Variants in MEFV observed in about 807,000 individuals in gnomAD.
MEFV encodes pyrin.
Under a neutral mutation model 62.5 loss-of-function variants are expected in MEFV, and 60 were observed. The ratio of observed to expected loss-of-function variants is 0.96; its 90% confidence interval spans 0.78 to 1.19. MEFV has a LOEUF of 1.19. MEFV is among the 50% of genes most tolerant of loss of function. The pLI, the probability that MEFV is intolerant of heterozygous loss-of-function variation, is 0.00. For missense variants in MEFV, 1,169 were observed against 1,004.5 expected (o/e 1.16, Z -2.21); for synonymous variants, 500 against 415.2 (o/e 1.20, Z -2.48).
chr16:3,249,030 G>C (rs1337259875), intron 3 of MEFV, 26 bp from the exon 4 acceptor site: 1 of 1,610,328 alleles, frequency 6.2e-7, no homozygotes, highest in Middle Eastern at 1.7e-4. Context: ...TTGTTGAAAA[G>C]CTTGAATTTG....
At chr16:3,244,633 G>A (rs1487620610) in intron 6 of MEFV, 45 bp from the exon 7 acceptor site, 2 of 1,433,874 alleles carry the variant, frequency 1.4e-6, no homozygotes, top group Admixed American at 1.7e-5. Flanking sequence ...GAGCGAGGGG[G>A]TGGCCCAAGT....
rs147349325 is a variant in MEFV, at chr16:3,248,914, A to G, written c.1351T>C (p.Phe451Leu). 1.9e-6 allele frequency: 3 copies of G among 1,614,070 alleles called. No individual in the cohort carries two copies. Among genetic ancestry groups the G allele is most frequent in the Non-Finnish European group, 2.5e-6 (3 of 1,179,932 alleles). The change falls in exon 4 of 10, where the codon TTT becomes CTT. Residue 451 changes from phenylalanine (F) to leucine (L), a missense_variant. By Grantham distance (22) the Phe-to-Leu change is conservative. Coordinates refer to ENST00000219596, the MANE Select transcript of MEFV (RefSeq NM_000243.3). ...TCAGCCACCTCTGACCTTACCAGAA[A>G]GCTCACTGCCTTCTCCTCCCCATAG... is the stretch of plus-strand genomic sequence containing the variant. ...RSYGEEKAVS[F>L]LKQTEALKQR...
intron 2 of MEFV, among the ~76,000 whole-genome samples, chr16:3,250,624 G>A (rs181561092): frequency 3.0e-4 from 45 of 151,730 alleles, no homozygotes; most frequent in African/African-American, 1.1e-3. Context: ...GGGCATTATA[G>A]GGCTAAAGAC....
In MEFV at chr16:3,256,480, C is replaced by T. The variant is rs759877779; in HGVS notation, c.108G>A (p.Glu36=). The T allele has an allele frequency of 2.2e-5, 36 of 1,614,216 alleles. No homozygotes were observed. The highest frequency in any genetic ancestry group is 3.3e-5 in the South Asian group (3 of 91,088). The part of the protein sequence containing the change: ...FKLQNTSVQK[E]HSRIPRSQIQ... ...TCTGGCTCCGGGGGATCCTGGAGTG[C>T]TCCTTCTGCACACTGGTGTTCTGCA... Residue 36 remains glutamate (E), a synonymous_variant, in exon 1 of 10, where the codon GAG becomes GAA. Coordinates refer to ENST00000219596, the MANE Select transcript of MEFV (RefSeq NM_000243.3).
At position 3,256,302 on chromosome 16, in the gene MEFV, C is replaced by T. The variant is rs2141679306; in HGVS notation, c.277+9G>A. 1 of 1,612,958 alleles carries T rather than the reference C, an allele frequency of 6.2e-7. No individual in the cohort carries two copies. Among genetic ancestry groups the T allele is most frequent in the Non-Finnish European group, 8.5e-7 (1 of 1,179,770 alleles). The stretch of plus-strand genomic sequence containing the variant: ...GCACTGGATGAGGAGGAGGCCTGGG[C>T]CCGCTTACCCTGAATGGCTGCCCTG... On this transcript the variant is annotated intron_variant, in intron 1 of 9. Coordinates refer to ENST00000219596, the MANE Select transcript of MEFV (RefSeq NM_000243.3).
intron 4 of MEFV, 183 bp from the exon 5 acceptor site, chr16:3,247,429 G>A (rs2141669488): frequency 1.6e-6 from 1 of 608,688 alleles, no homozygotes; most frequent in Non-Finnish European, 2.9e-6. Context: ...GACTGAGCAT[G>A]GCTGGGGCTA....
intron 2 of MEFV, chr16:3,251,877 GA>G (rs1332136792): frequency 5.0e-6 from 1 of 200,630 alleles, no homozygotes; most frequent in Admixed American, 5.1e-5. Flanking sequence ...GCCTGCATCA[GA>G]TTAACGAAGC....
chr16:3,250,866 A>G (rs1959021282), intron 2 of MEFV, among the ~76,000 whole-genome samples: 1 of 151,410 alleles, frequency 6.6e-6, no homozygotes, highest in Non-Finnish European at 1.5e-5. Context: ...TCTACTAAAA[A>G]TACAAAAATT....
chr16:3,246,722 G>A (rs998919446), intron 5 of MEFV, among the ~76,000 whole-genome samples, 175 bp from the exon 6 acceptor site: 8 of 152,142 alleles, frequency 5.3e-5, no homozygotes, highest in Non-Finnish European at 7.4e-5. Context: ...TTCTAACCAC[G>A]GGAATTCAGG....
In MEFV at chr16:3,249,769, C is replaced by A. The variant is rs368322244; in HGVS notation, c.922G>T (p.Asp308Tyr). The change falls in exon 3 of 10, where the codon GAC (aspartate) becomes TAC (tyrosine). Residue 308 changes from aspartate to tyrosine, a missense_variant. Coordinates refer to ENST00000219596, the MANE Select transcript of MEFV (RefSeq NM_000243.3). Reference protein sequence around the residue: ...PEHSVTGRPPDTAASPRCHAQ... With the variant: ...PEHSVTGRPPYTAASPRCHAQ... ...TGGCAGCGGGGACTCGCAGCCGTGT[C>A]TGGTGGCCTTCCTGGGGACATGCAG... 1.2e-6 allele frequency: 2 copies of A among 1,613,908 alleles called. No individual in the cohort carries two copies. The highest frequency in any genetic ancestry group is 2.7e-5 in the African/African-American group (2 of 74,934).
Position 3,256,409 on chromosome 16 carries a change from T to C in MEFV, c.179A>G (p.Tyr60Cys). The change falls in exon 1 of 10, where the codon TAC becomes TGC. Residue 60 changes from tyrosine (Y) to cysteine (C), a missense_variant. Coordinates refer to ENST00000219596, the MANE Select transcript of MEFV (RefSeq NM_000243.3). ...CTGCACGGCGTACTCTTCCCCATAG[T>C]AGGTGACCAGCAGAGTGGCCATCTT... ...PVKMATLLVT[Y>C]YGEEYAVQLT... The C allele has an allele frequency of 6.2e-7, 1 of 1,614,188 alleles. No individual in the cohort carries two copies. The highest frequency in any genetic ancestry group is 8.5e-7 in the Non-Finnish European group (1 of 1,180,022).
chr16:3,249,471 T>G lies in MEFV; in HGVS notation c.1220A>C (p.His407Pro). Residue 407 changes from histidine to proline, a missense_variant, in exon 3 of 10, where the codon CAC becomes CCC. Physicochemically the swap from His to Pro is moderately conservative, Grantham distance 77. Coordinates refer to ENST00000219596, the MANE Select transcript of MEFV (RefSeq NM_000243.3). Reference sequence around the variant, plus strand: ...GACCTCCTCAATGGGGCGCACCCGGTGGCCTTGGTGCTCCTGACTCAGACT... The same window carrying G: ...GACCTCCTCAATGGGGCGCACCCGGGGGCCTTGGTGCTCCTGACTCAGACT... ...ICSLSQEHQGHRVRPIEEVAL... is the reference protein window; with the variant it reads ...ICSLSQEHQGPRVRPIEEVAL... 1.2e-6 allele frequency: 2 copies of G among 1,614,098 alleles called. No homozygotes were observed. Among genetic ancestry groups the G allele is most frequent in the Non-Finnish European group, 8.5e-7 (1 of 1,180,022 alleles).
At chr16:3,247,326 C>A in intron 4 of MEFV, 80 bp from the exon 5 acceptor site, 2 of 1,279,984 alleles carry the variant, frequency 1.6e-6, no homozygotes, top group African/African-American at 1.5e-5. Context: ...AGAAGCCCAC[C>A]TCCTGGAGGT....
chr16:3,247,917 G>C (rs1423235563), intron 4 of MEFV: 2 of 140,302 alleles, frequency 1.4e-5, no homozygotes, highest in Non-Finnish European at 3.0e-5. Context: ...CCTGGACGAC[G>C]GAGTGAGATT....
intron 5 of MEFV, 118 bp downstream of exon 5, chr16:3,246,898 A>AT: frequency 1.0e-6 from 1 of 1,002,504 alleles, no homozygotes; most frequent in East Asian, 2.5e-5. Context: ...ACCAAGTCCT[A>AT]TCCTAGGCCT....
At chr16:3,254,855 AGAG>A in intron 1 of MEFV, 65 bp from the exon 2 acceptor site, 1 of 1,600,906 alleles carries the variant, frequency 6.2e-7, no homozygotes, top group Non-Finnish European at 8.5e-7. Context: ...GATTCAGGGC[AGAG>A]GAGAGAGAAT....
In MEFV at chr16:3,248,865, T is replaced by C. The variant is rs224212; in HGVS notation, c.1356+44A>G. 0.57 allele frequency: 917,626 copies of C among 1,611,678 alleles called. 264,783 individuals carry two copies. Among genetic ancestry groups the C allele is most frequent in the South Asian group, 0.72 (65,092 of 91,034 alleles). ...GGGACCCCTGCTCACTCTTCCCACC[T>C]TCCTCCCAGGGACGGATGGGCCATC... On this transcript the variant is annotated intron_variant, in intron 4 of 9. Transcript: ENST00000219596.
intron 4 of MEFV, among the ~76,000 whole-genome samples, chr16:3,248,152 A>T (rs1267016991): frequency 6.6e-6 from 1 of 150,454 alleles, no homozygotes; most frequent in Non-Finnish European, 1.5e-5. Context: ...CCAGCCACTA[A>T]GGAGGCTGAG....
In MEFV at chr16:3,254,389, T is replaced by TG. The variant is rs1959082461; in HGVS notation, c.678dup (p.Arg227GlnfsTer15). On this transcript the variant is annotated frameshift_variant, in exon 2 of 10. Coordinates refer to ENST00000219596, the MANE Select transcript of MEFV (RefSeq NM_000243.3). LOFTEE classifies it high-confidence loss of function. ...GAGGGCAGGTACACTTCGAAGGGCC[T>TG]GCACTCCTTCTGCCCCGGGGCGCCC... The TG allele has an allele frequency of 6.2e-7, 1 of 1,613,892 alleles. No homozygotes were observed. Among genetic ancestry groups the TG allele is most frequent in the East Asian group, 2.2e-5 (1 of 44,902 alleles).
Sources: gnomAD v4.1 joint callset for allele counts (sites outside exome capture counted in the v4.1 genomes callset) on GRCh38, gnomAD v4.1.1 for gene constraint, MANE v1.5 for transcripts, NCBI Gene and HGNC (gene_info 2026-07-23, HGNC 2026-07-21) for gene names.